The following ADGRG2 variants were observed in gnomAD, a reference collection of about 807,000 sequenced individuals.
ADGRG2 encodes the protein adhesion G protein-coupled receptor G2.
ADGRG2 carries 26 observed loss-of-function variants against 74.1 expected under a neutral mutation model. The observed-to-expected ratio is 0.35, with a 90% CI of 0.26 to 0.49. The LOEUF (loss-of-function observed/expected upper bound fraction) is 0.49, where lower values mean the gene tolerates loss of function less well. ADGRG2 is among the 20% of genes least tolerant of loss of function. The probability of loss-of-function intolerance (pLI) is 0.99; values close to 1 mark genes in which losing one functional copy is unlikely to be tolerated. For missense variants in ADGRG2, 619 were observed against 763.1 expected (o/e 0.81, Z 2.22); for synonymous variants, 296 against 295.2 (o/e 1.00, Z -0.03).
At chrX:19,097,990 C>T (rs1416524017) in intron 1 of ADGRG2, among the ~76,000 whole-genome samples, 1 of 112,752 alleles carries the variant, frequency 8.9e-6, no homozygotes, top group Non-Finnish European at 1.9e-5. Context: ...ATCAATGATG[C>T]AAAAAGCAAC....
In ADGRG2 at chrX:19,028,511, T is replaced by C. The variant is rs747384987; in HGVS notation, c.359-273A>G. ...TGACTCTATCTGGAAACAAATAAAA[T>C]AGAGACTCCTAAACAGAAAGACGTG... On this transcript the variant is annotated intron_variant, in intron 9 of 28. Coordinates refer to ENST00000379869, the MANE Select transcript of ADGRG2 (RefSeq NM_001079858.3). Among the ~76,000 whole-genome samples, 7 of 111,643 alleles carry C rather than the reference T, an allele frequency of 6.3e-5. No homozygotes were observed. The Admixed American group carries it at 6.7e-4, about 11-fold the overall frequency.
intron 13 of ADGRG2, among the ~76,000 whole-genome samples, chrX:19,021,984 C>T (rs1199416932): frequency 9.2e-6 from 1 of 108,767 alleles, no homozygotes; most frequent in Non-Finnish European, 1.9e-5. Context: ...CTTTCTGGGG[C>T]CGGGTGCGGT....
At chrX:19,111,051 C>T (rs144432354) in intron 1 of ADGRG2, among the ~76,000 whole-genome samples, 297 of 111,478 alleles carry the variant, frequency 2.7e-3, no homozygotes, top group Non-Finnish European at 4.1e-3. Context: ...ACTTGGGATA[C>T]GGTTTAGAAG....
At chrX:19,079,365 C>G (rs1321104737) in intron 2 of ADGRG2, among the ~76,000 whole-genome samples, 1 of 112,278 alleles carries the variant, frequency 8.9e-6, no homozygotes, top group Non-Finnish European at 1.9e-5. Context: ...CTCCAAAATG[C>G]TCACAGAAAT....
At chrX:18,994,762 A>T (rs1475942717) in intron 28 of ADGRG2, 134 bp downstream of exon 28, 2 of 371,753 alleles carry the variant, frequency 5.4e-6, no homozygotes, top group Non-Finnish European at 9.1e-6. Flanking sequence ...TCTGTAAGGG[A>T]ACCACATTTT....
chrX:19,043,197 G>C (rs2061106473), intron 3 of ADGRG2, among the ~76,000 whole-genome samples: 1 of 111,453 alleles, frequency 9.0e-6, no homozygotes, highest in Non-Finnish European at 1.9e-5. Context: ...TAGGAACCCA[G>C]CTGCTCAGTC....
chrX:19,031,272 C>A (rs1165133001), intron 8 of ADGRG2: 2 of 364,782 alleles, frequency 5.5e-6, no homozygotes, highest in Non-Finnish European at 9.5e-6. Flanking sequence ...AATATCTGAT[C>A]CTTAACTCCT....
At position 19,037,616 on chromosome X, in the gene ADGRG2, A is replaced by G; in HGVS notation, c.175T>C (p.Phe59Leu). The change falls in exon 5 of 29, where the codon TTT becomes CTT. Residue 59 changes from phenylalanine to leucine, a missense_variant. Physicochemically the swap from Phe to Leu is conservative, Grantham distance 22 (BLOSUM62 0). Coordinates refer to ENST00000379869, the MANE Select transcript of ADGRG2 (RefSeq NM_001079858.3). Reference protein sequence around the residue: ...PPPAKLSVVSFAPSSNGTPEV... With the variant: ...PPPAKLSVVSLAPSSNGTPEV... ...GGAGTACCATTGGAGGAGGGGGCAA[A>G]ACTGACAACAGATAATTTAGCTGCA... 8.7e-7 allele frequency: 1 copy of G among 1,153,302 alleles called. No individual in the cohort carries two copies. Among genetic ancestry groups the G allele is most frequent in the South Asian group, 2.0e-5 (1 of 49,280 alleles).
intron 1 of ADGRG2, among the ~76,000 whole-genome samples, chrX:19,103,731 T>C (rs1269087365): frequency 9.0e-6 from 1 of 111,150 alleles, no homozygotes; most frequent in Non-Finnish European, 1.9e-5. Flanking sequence ...ACCCCCAAGA[T>C]GCCCAAACAG....
chrX:19,101,101 TTGTGTGTGTGTGTGTGTGTG>T (rs10579733), intron 1 of ADGRG2, among the ~76,000 whole-genome samples: 8 of 89,820 alleles, frequency 8.9e-5, no homozygotes, highest in African/African-American at 1.2e-4. Flanking sequence ...AATCATGAGA[TTGTGTGTGTGTGTGTGTGTG>T]TGTGTGTGTG....
chrX:18,993,718 G>T (rs1187658849), intron 28 of ADGRG2, among the ~76,000 whole-genome samples: 1 of 106,571 alleles, frequency 9.4e-6, no homozygotes, highest in Non-Finnish European at 1.9e-5. Flanking sequence ...AGACACACCA[G>T]CAGGACTGCC....
intron 20 of ADGRG2, 90 bp from the exon 21 acceptor site, chrX:19,006,355 CTG>C (rs1223885641): frequency 9.2e-6 from 6 of 654,009 alleles, no homozygotes; most frequent in Non-Finnish European, 1.4e-5. Flanking sequence ...AGAAAAAAAA[CTG>C]TGGTTTTTTT....
intron 23 of ADGRG2, among the ~76,000 whole-genome samples, 187 bp from the exon 24 acceptor site, chrX:19,003,301 A>G (rs2060166958): frequency 9.0e-6 from 1 of 110,708 alleles, no homozygotes; most frequent in Non-Finnish European, 1.9e-5. Context: ...AGTGGCTGGG[A>G]CTACAGGCGC....
chrX:19,065,985 T>G (rs1348415703), intron 3 of ADGRG2, among the ~76,000 whole-genome samples: 1 of 112,262 alleles, frequency 8.9e-6, no homozygotes, highest in Non-Finnish European at 1.9e-5. Flanking sequence ...TAGCTGGGAT[T>G]ATAGGCGTGC....
At chrX:19,067,387 C>T (rs1215902230) in intron 3 of ADGRG2, among the ~76,000 whole-genome samples, 1 of 112,407 alleles carries the variant, frequency 8.9e-6, no homozygotes. Flanking sequence ...TTGCCAAGAC[C>T]ATTCAATAGC....
chrX:19,044,008 G>C (rs2061126508), intron 3 of ADGRG2, among the ~76,000 whole-genome samples: 1 of 111,502 alleles, frequency 9.0e-6, no homozygotes, highest in Non-Finnish European at 1.9e-5. Context: ...TGTTGCTGCT[G>C]TACCATTAAC....
At chrX:19,028,560 C>G (rs1429090561) in intron 9 of ADGRG2, among the ~76,000 whole-genome samples, 3 of 110,681 alleles carry the variant, frequency 2.7e-5, no homozygotes, top group African/African-American at 9.9e-5. Flanking sequence ...AATCTATATG[C>G]AGGGGTGTCC....
chrX:19,114,076 AAAAAAAAAAAAAAGT>A (rs963526642), intron 1 of ADGRG2, among the ~76,000 whole-genome samples: 1 of 107,066 alleles, frequency 9.3e-6, no homozygotes, highest in African/African-American at 3.4e-5. Context: ...TGTCTCAAAA[AAAAAAAAAAAAAAGT>A]AAAAAAAAAA....
chrX:19,090,203 C>A (rs931900700), intron 1 of ADGRG2, among the ~76,000 whole-genome samples: 1 of 111,991 alleles, frequency 8.9e-6, no homozygotes, highest in Admixed American at 9.5e-5. Context: ...GGTCCATGGG[C>A]CCTACTCATA....
Sources: gnomAD v4.1 joint callset for allele counts (sites outside exome capture counted in the v4.1 genomes callset) on GRCh38, gnomAD v4.1.1 for gene constraint, MANE v1.5 for transcripts, NCBI Gene and HGNC (gene_info 2026-07-23, HGNC 2026-07-21) for gene names.